PPTC7: variants seen among roughly 807,000 people sequenced by gnomAD.
PPTC7 encodes protein phosphatase PTC7 homolog.
Under a neutral mutation model 30.8 loss-of-function variants are expected in PPTC7, and 6 were observed. The observed-to-expected ratio is 0.19, with a 90% CI of 0.11 to 0.38. PPTC7 has a LOEUF of 0.38. Ranked by LOEUF, PPTC7 falls within the 10% of genes least tolerant of loss-of-function variation. The pLI is 1.00. For synonymous variants in PPTC7, 163 were observed against 168.1 expected (o/e 0.97, Z 0.23); for missense variants, 218 against 404.8 (o/e 0.54, Z 3.96).
rs1275472927 is a variant in PPTC7 at position 110,582,956 on chromosome 12, C to A, written c.76G>T (p.Ala26Ser). ...LGGLSQTDPR[A>S]GGGGGGDYGL... ...TAGTCGCCGCCGCCGCCGCCGCCGG[C>A]CCTGGGGTCGGTCTGCGAGAGGCCG... is the stretch of plus-strand genomic sequence containing the variant. Residue 26 changes from alanine to serine, a missense_variant, in exon 1 of 6, where the codon GCC (alanine) becomes TCC (serine). Ala to Ser is a moderately conservative substitution (Grantham distance 99). Coordinates refer to ENST00000354300, the MANE Select transcript of PPTC7 (RefSeq NM_139283.2). The A allele has an allele frequency of 1.9e-6, 3 of 1,541,052 alleles. No homozygotes were observed. Among genetic ancestry groups the A allele is most frequent in the African/African-American group, 1.4e-5 (1 of 72,518 alleles).
At chr12:110,566,556 T>C (rs752394678) in intron 1 of PPTC7, among the ~76,000 whole-genome samples, 1 of 152,224 alleles carries the variant, frequency 6.6e-6, no homozygotes, top group Non-Finnish European at 1.5e-5. Flanking sequence ...TCAGAACATC[T>C]ACCAGTGCTC....
intron 1 of PPTC7, among the ~76,000 whole-genome samples, chr12:110,567,623 T>A (rs953271015): frequency 1.3e-5 from 2 of 152,176 alleles, no homozygotes; most frequent in Admixed American, 1.3e-4. Context: ...CCCACTGCCC[T>A]AGGTAAAGCC....
chr12:110,565,987 C>T (rs186368250), intron 1 of PPTC7, among the ~76,000 whole-genome samples: 32 of 152,304 alleles, frequency 2.1e-4, no homozygotes, highest in African/African-American at 3.1e-4. Context: ...ACAAGACAGG[C>T]ATTTTGAGCA....
At chr12:110,555,937 T>A (rs1012157367) in intron 1 of PPTC7, among the ~76,000 whole-genome samples, 1 of 152,220 alleles carries the variant, frequency 6.6e-6, no homozygotes, top group Non-Finnish European at 1.5e-5. Flanking sequence ...TGATGAATCA[T>A]TCATTCTTTT....
Position 110,559,625 on chromosome 12 carries a change from C to T in PPTC7, c.224-7657G>A, listed in dbSNP as rs190429919. ...CCTGTAATCCCAGCTTCTTGGGATGCTGAGGCAGGAGAATCACTTGAACCT... is the reference window on the plus strand; with the variant it reads ...CCTGTAATCCCAGCTTCTTGGGATGTTGAGGCAGGAGAATCACTTGAACCT... On this transcript the variant is annotated intron_variant, in intron 1 of 5. Transcript: ENST00000354300. Among the ~76,000 whole-genome samples the T allele has an allele frequency of 6.0e-4, 90 of 150,108 alleles. 1 individual carries two copies. In the East Asian group the frequency reaches 0.014, roughly 24 times the overall value.
chr12:110,537,930 G>C (rs543635161), intron 5 of PPTC7, among the ~76,000 whole-genome samples: 26 of 152,180 alleles, frequency 1.7e-4, no homozygotes, highest in Non-Finnish European at 3.5e-4. Flanking sequence ...TGCCTCTGCC[G>C]CCAATGAGGT....
chr12:110,537,657 ACAT>A (rs950797316), intron 5 of PPTC7, among the ~76,000 whole-genome samples: 1 of 152,170 alleles, frequency 6.6e-6, no homozygotes, highest in Non-Finnish European at 1.5e-5. Context: ...CCAAAGTCAC[ACAT>A]CATGCTGTAG....
chr12:110,580,896 C>T (rs1406875551), intron 1 of PPTC7, among the ~76,000 whole-genome samples: 1 of 152,110 alleles, frequency 6.6e-6, no homozygotes, highest in Non-Finnish European at 1.5e-5. Flanking sequence ...GGACTATAGG[C>T]ATGCGCCATC....
intron 2 of PPTC7, among the ~76,000 whole-genome samples, chr12:110,549,897 G>A (rs935096602): frequency 6.6e-6 from 1 of 152,148 alleles, no homozygotes; most frequent in Non-Finnish European, 1.5e-5. Flanking sequence ...CATTTAACAT[G>A]TGAAGCAAGG....
Position 110,533,799 on chromosome 12 carries a change from AT to A in PPTC7, c.*3237del, listed in dbSNP as rs2064193890. The A allele has an allele frequency of 6.6e-6, 1 of 152,182 alleles. No individual in the cohort carries two copies. The highest frequency in any genetic ancestry group is 6.5e-5 in the Admixed American group (1 of 15,270). The allele number at this position is 152,182 out of a possible 1,614,324, so 9.4% of individuals were successfully genotyped here. On this transcript the variant is annotated 3_prime_UTR_variant, in exon 6 of 6. Coordinates refer to ENST00000354300, the MANE Select transcript of PPTC7 (RefSeq NM_139283.2). ...AAAGCTGACTCAATAAATTCCCACG[AT>A]TCCTGCCTAACTTGTTACTTGGTAT...
In PPTC7 at chr12:110,578,121, C is replaced by G. The variant is rs1156279709; in HGVS notation, c.223+4688G>C. Among the ~76,000 whole-genome samples the G allele has an allele frequency of 2.0e-5, 3 of 152,120 alleles. No homozygotes were observed. In the East Asian group the frequency reaches 5.8e-4, roughly 29 times the overall value. ...GAGTAACCTTGGGGAAGTCATCTGACTCTCTGGAGGCCTGTTTTCTCATCA... is the reference window on the plus strand; with the variant it reads ...GAGTAACCTTGGGGAAGTCATCTGAGTCTCTGGAGGCCTGTTTTCTCATCA... On this transcript the variant is annotated intron_variant, in intron 1 of 5. Transcript: ENST00000354300.
chr12:110,574,344 T>C (rs1593166829), intron 1 of PPTC7, among the ~76,000 whole-genome samples: 1 of 151,618 alleles, frequency 6.6e-6, no homozygotes, highest in Middle Eastern at 3.4e-3. Context: ...AGGTAAAACA[T>C]AAAAATGCTT....
At chr12:110,560,398 T>A (rs1249422963) in intron 1 of PPTC7, among the ~76,000 whole-genome samples, 1 of 147,624 alleles carries the variant, frequency 6.8e-6, no homozygotes, top group African/African-American at 2.6e-5. Context: ...CGAGACCCTG[T>A]CTCAAAAAAT....
intron 1 of PPTC7, among the ~76,000 whole-genome samples, chr12:110,555,538 AC>A (rs2064379596): frequency 6.6e-6 from 1 of 152,190 alleles, no homozygotes; most frequent in African/African-American, 2.4e-5. Context: ...AAGAAAAAAG[AC>A]CCTTTTGCCT....
intron 1 of PPTC7, among the ~76,000 whole-genome samples, chr12:110,563,122 C>CAAAAAAAAAAA (rs766517371): frequency 7.0e-5 from 3 of 43,094 alleles, no homozygotes; most frequent in African/African-American, 1.6e-4. Flanking sequence ...GACTCCATCT[C>CAAAAAAAAAAA]AAAAAAAAAA....
At chr12:110,556,580 T>G (rs763738788) in intron 1 of PPTC7, among the ~76,000 whole-genome samples, 7 of 152,144 alleles carry the variant, frequency 4.6e-5, no homozygotes, top group Non-Finnish European at 8.8e-5. Context: ...TCAGAATACA[T>G]GTCAAAGGTA....
chr12:110,573,389 A>G (rs1230253385), intron 1 of PPTC7, among the ~76,000 whole-genome samples: 2 of 152,214 alleles, frequency 1.3e-5, no homozygotes, highest in Non-Finnish European at 2.9e-5. Flanking sequence ...GGAGAATATG[A>G]TGCAGTTATG....
rs1349151721 is a variant in PPTC7, at chr12:110,533,374, AATG to A, written c.*3660_*3662del. 7 of 152,350 alleles carry A rather than the reference AATG, an allele frequency of 4.6e-5. No homozygotes were observed. The highest frequency in any genetic ancestry group is 1.7e-4 in the African/African-American group (7 of 41,566). 9.4% of individuals were successfully genotyped at this position (152,350 alleles called of 1,614,324 possible). On this transcript the variant is annotated 3_prime_UTR_variant, in exon 6 of 6. Transcript: ENST00000354300. ...TTGCCTCTTGGGTAATAAGACAAAT[AATG>A]ATAGTCTCAACAGAAAAAAAGCAGC...
At chr12:110,560,736 C>T (rs778507342) in intron 1 of PPTC7, among the ~76,000 whole-genome samples, 5 of 152,164 alleles carry the variant, frequency 3.3e-5, no homozygotes, top group African/African-American at 7.2e-5. Context: ...TGAAGAAAAA[C>T]AATTTGATTT....
Sources: allele counts gnomAD v4.1 joint callset (sites outside exome capture counted in the v4.1 genomes callset), GRCh38; gene constraint gnomAD v4.1.1; transcripts MANE v1.5; gene names NCBI Gene and HGNC (gene_info 2026-07-23, HGNC 2026-07-21).